SLX4: variants seen among roughly 807,000 people sequenced by gnomAD.
The protein encoded by SLX4 is structure-specific endonuclease subunit SLX4.
Under a neutral mutation model 146.2 loss-of-function variants are expected in SLX4, and 112 were observed. The observed-to-expected ratio is 0.77, with a 90% CI of 0.66 to 0.90. The LOEUF is 0.90. SLX4 is among the 40% of genes least tolerant of loss of function. SLX4 has a pLI of 0.00. For synonymous variants in SLX4, 1,061 were observed against 997.7 expected, an observed-to-expected ratio of 1.06 and a Z score of -1.20; for missense variants, 2,563 against 2,392.7, an observed-to-expected ratio of 1.07 and a Z score of -1.49.
rs760336038 is a variant in SLX4, at chr16:3,597,397, C to A, written c.1665G>T (p.Val555=). 5 of 1,585,548 alleles carry A rather than the reference C, an allele frequency of 3.2e-6. No individual in the cohort carries two copies. The East Asian group carries it at 1.1e-4, about 36-fold the overall frequency. The part of the protein sequence containing the change: ...FYTARLVPPL[V]PQRPAQGLMQ... ...GACTCACCTGGGCAGGCCGCTGGGG[C>A]ACGAGAGGAGGGACCAGCCTGGCCG... Residue 555 remains valine (V), a synonymous_variant, in exon 7 of 15, where the codon GTG becomes GTT. Coordinates refer to ENST00000294008, the MANE Select transcript of SLX4 (RefSeq NM_032444.4). The surrounding 1 kb of genome is among the most constrained non-coding windows in gnomAD (Gnocchi z 4.4).
At position 3,597,349 on chromosome 16, in the gene SLX4, C is replaced by T; in HGVS notation, c.1683+30G>A. On this transcript the variant is annotated intron_variant, in intron 7 of 14. Coordinates refer to ENST00000294008, the MANE Select transcript of SLX4 (RefSeq NM_032444.4). The surrounding 1 kb of genome is among the most constrained non-coding windows in gnomAD (Gnocchi z 4.4). ...GGGATTGCCAACCTCCCCCAAAAGCCTATCCATGTGCCTGAGGGGAGGGAC... is the reference window on the plus strand; with the variant it reads ...GGGATTGCCAACCTCCCCCAAAAGCTTATCCATGTGCCTGAGGGGAGGGAC... 1.3e-6 allele frequency: 2 copies of T among 1,500,398 alleles called. No individual in the cohort carries two copies. Among genetic ancestry groups the T allele is most frequent in the African/African-American group, 1.4e-5 (1 of 72,272 alleles). The allele number at this position is 1,500,398 out of a possible 1,614,324, so 92.9% of individuals were successfully genotyped here.
chr16:3,607,204 G>A (rs912105987), intron 2 of SLX4, among the ~76,000 whole-genome samples: 4 of 152,246 alleles, frequency 2.6e-5, no homozygotes, highest in Admixed American at 6.5e-5. Context: ...GCAGATACGC[G>A]CATGGATACG....
intron 12 of SLX4, among the ~76,000 whole-genome samples, chr16:3,587,357 G>A (rs140821552): frequency 3.9e-5 from 6 of 152,116 alleles, no homozygotes; most frequent in African/African-American, 1.2e-4. Context: ...TTAGCTGGGC[G>A]TGGTGCTGGG....
In SLX4 at chr16:3,603,735, C is replaced by T. The variant is rs78226758; in HGVS notation, c.761-1428G>A. Among the ~76,000 whole-genome samples, 592 of 152,358 alleles carry T rather than the reference C, an allele frequency of 3.9e-3. 4 individuals are homozygous for T. Among genetic ancestry groups the T allele is most frequent in the African/African-American group, 0.013 (556 of 41,586 alleles). On this transcript the variant is annotated intron_variant, in intron 3 of 14. Transcript: ENST00000294008. The stretch of plus-strand genomic sequence containing the variant: ...AACAGGAGCACCTGGCATTATTACG[C>T]TTATTGGGCCGGTGCCACACCAAGT...
intron 10 of SLX4, among the ~76,000 whole-genome samples, chr16:3,594,153 C>A (rs1012442506): frequency 6.6e-6 from 1 of 152,192 alleles, no homozygotes; most frequent in Admixed American, 6.5e-5. Context: ...AGGCGTGAGC[C>A]ACCGCGCCCG....
At chr16:3,598,319 T>C (rs1408617007) in intron 5 of SLX4, among the ~76,000 whole-genome samples, 2 of 152,204 alleles carry the variant, frequency 1.3e-5, no homozygotes, top group Non-Finnish European at 2.9e-5. Context: ...CAACAATCGA[T>C]GGCTCTGAGC....
In SLX4 at chr16:3,581,923, G is replaced by A. The variant is rs949422992; in HGVS notation, c.*419C>T. ...CTGGGCGTGGCAGCGTGTGCCTGTA[G>A]TCCCAGCTATCTGGGAGGCTGAGGC... On this transcript the variant is annotated 3_prime_UTR_variant, in exon 15 of 15. Coordinates refer to ENST00000294008, the MANE Select transcript of SLX4 (RefSeq NM_032444.4). 8.5e-5 allele frequency: 20 copies of A among 234,996 alleles called. No individual in the cohort carries two copies. The highest frequency in any genetic ancestry group is 7.6e-4 in the East Asian group (11 of 14,494). The allele number at this position is 234,996 out of a possible 1,614,324, so 14.6% of individuals were successfully genotyped here. A position where few individuals can be genotyped will look rare whatever the true frequency, so the allele number is the denominator to read the frequency against.
chr16:3,596,646 G>C (rs117583393), intron 7 of SLX4, among the ~76,000 whole-genome samples: 1 of 152,328 alleles, frequency 6.6e-6, no homozygotes, highest in East Asian at 1.9e-4. Context: ...TTTGCACAAA[G>C]GCTTGTCAGA....
intron 13 of SLX4, 70 bp downstream of exon 13, chr16:3,584,699 G>T (rs1361713684): frequency 6.6e-6 from 8 of 1,213,684 alleles, no homozygotes; most frequent in Non-Finnish European, 9.8e-6. Flanking sequence ...CCGCCCCCAG[G>T]TGTGTGAAAC....
rs1488667471 is a variant in SLX4 at position 3,590,326 on chromosome 16, C to T, written c.3312G>A (p.Arg1104=). Residue 1104 remains arginine, a synonymous_variant, in exon 12 of 15, where the codon CGG becomes CGA. Coordinates refer to ENST00000294008, the MANE Select transcript of SLX4 (RefSeq NM_032444.4). This position sits in a 1 kb window ranked among gnomAD's most constrained non-coding sequence, Gnocchi z 4.8. ...EPGHQKGKER[R]SVLECRNKGV... is the part of the protein sequence containing the mutation. ...CCTTATTTCTGCACTCCAGCACGGA[C>T]CGACGCTCTTTGCCTTTCTGGTGCC... 1 of 1,614,116 alleles carries T rather than the reference C, an allele frequency of 6.2e-7. No homozygotes were observed.
In SLX4 at chr16:3,597,658, G is replaced by T; in HGVS notation, c.1404C>A (p.Pro468=). 3 of 1,613,978 alleles carry T rather than the reference G, an allele frequency of 1.9e-6. No individual in the cohort carries two copies. Among genetic ancestry groups the T allele is most frequent in the East Asian group, 2.2e-5 (1 of 44,882 alleles). Residue 468 remains proline, a synonymous_variant, in exon 7 of 15, where the codon CCC becomes CCA. Transcript: ENST00000294008. The surrounding 1 kb of genome is among the most constrained non-coding windows in gnomAD (Gnocchi z 4.4). ...KSRKKKPPVS[P]PLLLVQDSET... ...CAGAGTCCTGGACTAACAACAATGGGGGGGATACCGGGGGTTTCTTCTTGC... is the reference window on the plus strand; with the variant it reads ...CAGAGTCCTGGACTAACAACAATGGTGGGGATACCGGGGGTTTCTTCTTGC...
chr16:3,600,373 C>A (rs1422288038), intron 5 of SLX4, among the ~76,000 whole-genome samples: 1 of 152,054 alleles, frequency 6.6e-6, no homozygotes, highest in East Asian at 1.9e-4. Context: ...CTAGAGGGTA[C>A]CGACTGTGGG....
chr16:3,582,493 A>G lies in SLX4; in HGVS notation c.5354T>C (p.Leu1785Pro), dbSNP rs562491450. The G allele has an allele frequency of 1.9e-6, 3 of 1,614,066 alleles. No individual in the cohort carries two copies. Among genetic ancestry groups the G allele is most frequent in the East Asian group, 4.5e-5 (2 of 44,892 alleles). ...PFELRELQAE[L>P]RQNGLRVSSR... ...GGACACACGGAGGCCGTTCTGCCTCAGCTCTGCCTGCAGCTCCCGCAGCTC... is the reference window on the plus strand; with the variant it reads ...GGACACACGGAGGCCGTTCTGCCTCGGCTCTGCCTGCAGCTCCCGCAGCTC... Residue 1785 changes from leucine (L) to proline (P), a missense_variant, in exon 15 of 15, where the codon CTG becomes CCG. Leu to Pro is a moderately conservative substitution (Grantham distance 98, BLOSUM62 -3). Transcript: ENST00000294008.
chr16:3,611,522 G>C (rs1290760653), intron 1 of SLX4, 38 bp downstream of exon 1: 1 of 152,500 alleles, frequency 6.6e-6, no homozygotes, highest in African/African-American at 2.4e-5. Context: ...CCGCCTCCCG[G>C]GTGCCGACTC....
At chr16:3,601,993 T>C in intron 4 of SLX4, 125 bp downstream of exon 4, 1 of 1,068,194 alleles carries the variant, frequency 9.4e-7, no homozygotes, top group South Asian at 1.3e-5. Flanking sequence ...TAAAAAGGGG[T>C]AGGTTGACAA....
chr16:3,595,526 A>G, intron 9 of SLX4, 79 bp downstream of exon 9: 1 of 1,510,390 alleles, frequency 6.6e-7, no homozygotes, highest in East Asian at 2.3e-5. Flanking sequence ...GCCAGAGGCC[A>G]GCGGTGAGCC....
intron 12 of SLX4, among the ~76,000 whole-genome samples, chr16:3,587,325 G>T (rs565066544): frequency 6.6e-6 from 1 of 152,102 alleles, no homozygotes; most frequent in African/African-American, 2.4e-5. Context: ...GGTGAAACCC[G>T]ACTCTACTAA....
chr16:3,592,660 C>G lies in SLX4; in HGVS notation c.2327+39G>C, dbSNP rs766270587. 4 of 1,599,596 alleles carry G rather than the reference C, an allele frequency of 2.5e-6. No homozygotes were observed. In the Admixed American group the frequency reaches 5.2e-5, roughly 21 times the overall value. On this transcript the variant is annotated intron_variant, in intron 11 of 14. Transcript: ENST00000294008. The stretch of plus-strand genomic sequence containing the variant: ...CTCCAGAGCTGTTAACCTGCCAGTC[C>G]TCGTCAGTTAATTTCAAAAGCTGGG...
chr16:3,585,073 C>T (rs1219852767), intron 12 of SLX4, among the ~76,000 whole-genome samples: 2 of 152,146 alleles, frequency 1.3e-5, no homozygotes, highest in African/African-American at 4.8e-5. Flanking sequence ...GCACTGAGGA[C>T]CACACCTTGT....
Sources: gnomAD v4.1 joint callset for allele counts (sites outside exome capture counted in the v4.1 genomes callset) on GRCh38, gnomAD v4.1.1 for gene constraint, Gnocchi (gnomAD v3.1) non-coding constraint, MANE v1.5 for transcripts, NCBI Gene and HGNC (gene_info 2026-07-23, HGNC 2026-07-21) for gene names.